Variants in GLIS3 observed in about 807,000 individuals in gnomAD.
GLIS3 encodes the protein zinc finger protein GLIS3.
GLIS3 carries 53 observed loss-of-function variants against 78.6 expected under a neutral mutation model. The ratio of observed to expected loss-of-function variants is 0.67; its 90% CI spans 0.54 to 0.85. The LOEUF (loss-of-function observed/expected upper bound fraction) is 0.85. Ranked by LOEUF, GLIS3 falls within the 40% of genes least tolerant of loss-of-function variation. The probability of loss-of-function intolerance (pLI) is 0.00; values close to 1 mark genes in which losing one functional copy is unlikely to be tolerated. For synonymous variants in GLIS3, 684 were observed against 509.9 expected, an observed-to-expected ratio of 1.34 and a Z score of -4.60; for missense variants, 1,703 against 1,231.1, an observed-to-expected ratio of 1.38 and a Z score of -5.74.
upstream of GLIS3, among the ~76,000 whole-genome samples, chr9:4,351,359 C>T (rs1370450266): frequency 4.8e-5 from 7 of 145,374 alleles, no homozygotes; most frequent in Admixed American, 7.0e-5. Flanking sequence ...GAACTGTAAT[C>T]GCACCACTGC....
chr9:4,409,128 G>A, the GLIS3 span, among the ~76,000 whole-genome samples: 1 of 152,136 alleles, frequency 6.6e-6, no homozygotes, highest in Non-Finnish European at 1.5e-5. Flanking sequence ...TTGTAATCCT[G>A]TTAAATTTCT....
In GLIS3 at chr9:3,842,707, A is replaced by T. The variant is rs945199857; in HGVS notation, c.2474-13215T>A. On this transcript the variant is annotated intron_variant, in intron 9 of 10. Transcript: ENST00000381971. ...CCTGAGCTCTACGGCCGACTCTGGA[A>T]GAAGTGCCTGGAATTCTGTATATTT... Among the ~76,000 whole-genome samples, 14 of 152,388 alleles carry T rather than the reference A, an allele frequency of 9.2e-5. No homozygotes were observed. The East Asian group carries it at 2.7e-3, about 29-fold the overall frequency.
At chr9:4,062,805 T>C (rs1826763830) in intron 4 of GLIS3, among the ~76,000 whole-genome samples, 1 of 152,072 alleles carries the variant, frequency 6.6e-6, no homozygotes, top group South Asian at 2.1e-4. Context: ...GGCGGGCACC[T>C]GTAGTCCCAG....
intron 2 of GLIS3, among the ~76,000 whole-genome samples, chr9:4,205,206 G>C (rs1485158773): frequency 6.8e-6 from 1 of 147,758 alleles, no homozygotes; most frequent in African/African-American, 2.5e-5. Context: ...AATCAGTTAT[G>C]ACTATTTCAA....
At chr9:3,940,272 C>A (rs553822038) in intron 4 of GLIS3, among the ~76,000 whole-genome samples, 1 of 152,238 alleles carries the variant, frequency 6.6e-6, no homozygotes, top group East Asian at 1.9e-4. Flanking sequence ...TTTTATCCTT[C>A]TTATTTTTTT....
At chr9:4,226,931 A>G (rs1199227428) in intron 2 of GLIS3, among the ~76,000 whole-genome samples, 1 of 152,236 alleles carries the variant, frequency 6.6e-6, no homozygotes, top group Non-Finnish European at 1.5e-5. Context: ...AATCAGAATT[A>G]TTCATGCTTA....
At chr9:4,157,425 A>G (rs540722311) in intron 2 of GLIS3, among the ~76,000 whole-genome samples, 2 of 152,140 alleles carry the variant, frequency 1.3e-5, no homozygotes, top group Non-Finnish European at 2.9e-5. Flanking sequence ...CTGTTGCACA[A>G]TGAAATGTTC....
chr9:4,025,856 G>T (rs1161872404), intron 4 of GLIS3, among the ~76,000 whole-genome samples: 1 of 152,092 alleles, frequency 6.6e-6, no homozygotes, highest in Non-Finnish European at 1.5e-5. Context: ...CATGGTTTTT[G>T]CCCATGGGGA....
chr9:4,418,970 G>C, the GLIS3 span, among the ~76,000 whole-genome samples: 1 of 152,232 alleles, frequency 6.6e-6, no homozygotes, highest in Non-Finnish European at 1.5e-5. Flanking sequence ...TAAGGCTAGA[G>C]ATGGTGGTGG....
the GLIS3 span, among the ~76,000 whole-genome samples, chr9:4,419,597 T>C: frequency 6.6e-6 from 1 of 152,004 alleles, no homozygotes; most frequent in Admixed American, 6.6e-5. Flanking sequence ...CAAGCCAATA[T>C]TGTGAAACCC....
intron 4 of GLIS3, among the ~76,000 whole-genome samples, chr9:4,053,656 C>T (rs922382687): frequency 3.2e-5 from 4 of 126,624 alleles, no homozygotes; most frequent in African/African-American, 1.1e-4. Context: ...AAAAGAGCTA[C>T]AAGACAGAGG....
chr9:4,344,755 G>C (rs1332069135), intron 2 of GLIS3, among the ~76,000 whole-genome samples: 1 of 152,098 alleles, frequency 6.6e-6, no homozygotes, highest in Non-Finnish European at 1.5e-5. Flanking sequence ...TCCTAAAATA[G>C]GTCCCTTACC....
At chr9:4,008,579 A>G (rs941038981) in intron 4 of GLIS3, among the ~76,000 whole-genome samples, 1 of 152,206 alleles carries the variant, frequency 6.6e-6, no homozygotes, top group African/African-American at 2.4e-5. Flanking sequence ...CAGAGGGGCA[A>G]AAGTTGATTT....
chr9:4,392,445 A>T, the GLIS3 span, among the ~76,000 whole-genome samples: 1 of 152,084 alleles, frequency 6.6e-6, no homozygotes, highest in Non-Finnish European at 1.5e-5. Flanking sequence ...TTCCCAGGGG[A>T]TCTTAGGGAT....
At chr9:4,414,409 C>T in the GLIS3 span, among the ~76,000 whole-genome samples, 1 of 152,170 alleles carries the variant, frequency 6.6e-6, no homozygotes, top group Non-Finnish European at 1.5e-5. Context: ...CAACACTTAC[C>T]ACCTATGTGA....
At chr9:4,347,854 C>G (rs1034005117) in intron 1 of GLIS3, among the ~76,000 whole-genome samples, 2 of 151,900 alleles carry the variant, frequency 1.3e-5, no homozygotes, top group African/African-American at 4.8e-5. Context: ...ATTTTTTTAG[C>G]CTTTTGACTG....
At chr9:4,252,567 C>A (rs139702156) in intron 2 of GLIS3, among the ~76,000 whole-genome samples, 2 of 152,170 alleles carry the variant, frequency 1.3e-5, no homozygotes, top group East Asian at 3.9e-4. Flanking sequence ...TTAGCTTCCT[C>A]CAGAGGAGTT....
chr9:4,399,074 A>G, the GLIS3 span, among the ~76,000 whole-genome samples: 1 of 152,186 alleles, frequency 6.6e-6, no homozygotes, highest in African/African-American at 2.4e-5. Context: ...TTTTACGATA[A>G]CAACCACTTC....
intron 2 of GLIS3, among the ~76,000 whole-genome samples, chr9:4,167,115 C>G (rs1319302266): frequency 6.6e-6 from 1 of 152,170 alleles, no homozygotes; most frequent in Non-Finnish European, 1.5e-5. Context: ...CCTAATTAAT[C>G]CCAAACCCTC....
Sources: allele counts gnomAD v4.1 joint callset (sites outside exome capture counted in the v4.1 genomes callset), GRCh38; gene constraint gnomAD v4.1.1; transcripts MANE v1.5; gene names NCBI Gene and HGNC (gene_info 2026-07-23, HGNC 2026-07-21).